Variants in SASS6 observed in about 807,000 individuals in gnomAD.
SASS6 encodes SAS-6 centriolar assembly protein.
SASS6 carries 59 observed loss-of-function variants against 94.9 expected under a neutral mutation model. The ratio of observed to expected loss-of-function variants is 0.62; its 90% CI spans 0.50 to 0.77. The LOEUF is 0.77. SASS6 is among the 30% of genes least tolerant of loss of function. SASS6 has a pLI of 0.00. For missense variants in SASS6, 698 were observed against 734.1 expected, an observed-to-expected ratio of 0.95 and a Z score of 0.57; for synonymous variants, 264 against 270.0, an observed-to-expected ratio of 0.98 and a Z score of 0.22.
At position 100,125,882 on chromosome 1, in the gene SASS6, C is replaced by G; in HGVS notation, c.126G>C (p.Lys42Asn). ...LQSVSNPVHR[K>N]DLVIRLTDDT... ...TTTCAAAAAAGGACTAAATACCAAC[C>G]TTTCTGTGAACTGGATTAGAAACTG... Residue 42 changes from lysine (K) to asparagine (N), a missense_variant and splice_region_variant, in exon 2 of 17, where the codon AAG (lysine) becomes AAC (asparagine). Transcript: ENST00000287482. The G allele has an allele frequency of 6.7e-7, 1 of 1,499,534 alleles. No individual in the cohort carries two copies. Among genetic ancestry groups the G allele is most frequent in the Non-Finnish European group, 9.2e-7 (1 of 1,086,744 alleles). 92.9% of individuals were successfully genotyped at this position (1,499,534 alleles called of 1,614,324 possible).
At position 100,121,472 on chromosome 1, in the gene SASS6, G is replaced by T; in HGVS notation, c.389C>A (p.Pro130His). ...PAFLNVVETN[P>H]FKHLTHLSLK... ...TGAGAGGTGTGTAAGATGCTTAAAA[G>T]GATTTGTCTCTACCACATTTAAAAA... The change falls in exon 5 of 17, where the codon CCT becomes CAT. Residue 130 changes from proline (P) to histidine (H), a missense_variant. By Grantham distance (77) the Pro-to-His change is moderately conservative. Coordinates refer to ENST00000287482, the MANE Select transcript of SASS6 (RefSeq NM_194292.3). The T allele has an allele frequency of 6.3e-7, 1 of 1,597,898 alleles. No individual in the cohort carries two copies. The highest frequency in any genetic ancestry group is 1.1e-5 in the South Asian group (1 of 89,492).
At position 100,123,235 on chromosome 1, in the gene SASS6, C is replaced by A. The variant is rs369037313; in HGVS notation, c.181G>T (p.Val61Phe). ...DTDPFFLYNL[V>F]ISEEDFQSLK... ...CTTTGAAAATCTTCCTCAGATATAA[C>A]AAGGTTATATAAAAAAAATGGATCC... Residue 61 changes from valine to phenylalanine, a missense_variant, in exon 3 of 17, where the codon GTT becomes TTT. Coordinates refer to ENST00000287482, the MANE Select transcript of SASS6 (RefSeq NM_194292.3). 6.6e-7 allele frequency: 1 copy of A among 1,508,034 alleles called. No individual in the cohort carries two copies. Among genetic ancestry groups the A allele is most frequent in the African/African-American group, 1.4e-5 (1 of 71,706 alleles). The allele number at this position is 1,508,034 out of a possible 1,614,324, so 93.4% of individuals were successfully genotyped here.
intron 14 of SASS6, among the ~76,000 whole-genome samples, chr1:100,092,737 A>G (rs1252748718): frequency 2.0e-5 from 3 of 151,994 alleles, no homozygotes; most frequent in Non-Finnish European, 4.4e-5. Flanking sequence ...CACCATGCCC[A>G]GCTAATTTTT....
At chr1:100,110,908 C>T (rs72973330) in intron 7 of SASS6, among the ~76,000 whole-genome samples, 6,286 of 151,834 alleles carry the variant, frequency 0.041, 322 homozygotes, top group African/African-American at 0.12. Context: ...ATAATAAATA[C>T]TCGTATATAT....
chr1:100,116,025 C>T (rs190220785), intron 7 of SASS6, among the ~76,000 whole-genome samples: 1 of 152,130 alleles, frequency 6.6e-6, no homozygotes, highest in Non-Finnish European at 1.5e-5. Context: ...GTGGGAAACA[C>T]TTTCCAAATG....
rs1217478302 is a variant in SASS6, at chr1:100,121,456, T to C, written c.405A>G (p.Thr135=). The C allele has an allele frequency of 6.3e-7, 1 of 1,598,836 alleles. No individual in the cohort carries two copies. The part of the protein sequence containing the change: ...VVETNPFKHL[T]HLSLKLLPGN... The stretch of plus-strand genomic sequence containing the variant: ...CAGGTAAAAGTTTTAGTGAGAGGTG[T>C]GTAAGATGCTTAAAAGGATTTGTCT... Residue 135 remains threonine (T), a synonymous_variant, in exon 5 of 17, where the codon ACA becomes ACG. Transcript: ENST00000287482.
At chr1:100,087,310 C>T (rs1300116720) in intron 15 of SASS6, among the ~76,000 whole-genome samples, 1 of 152,134 alleles carries the variant, frequency 6.6e-6, no homozygotes, top group Non-Finnish European at 1.5e-5. Flanking sequence ...TTTAACACAT[C>T]ATGATCCAAT....
chr1:100,092,573 T>G (rs553403404), intron 14 of SASS6, among the ~76,000 whole-genome samples: 1 of 151,502 alleles, frequency 6.6e-6, no homozygotes, highest in African/African-American at 2.4e-5. Context: ...TTTTTTTGTG[T>G]TTTTTTGTTT....
chr1:100,100,163 G>A (rs1652372664), intron 14 of SASS6, among the ~76,000 whole-genome samples: 1 of 152,154 alleles, frequency 6.6e-6, no homozygotes. Flanking sequence ...CTACTCGGGA[G>A]GCTGAGGCAT....
At chr1:100,105,944 T>G in intron 12 of SASS6, 41 bp from the exon 13 acceptor site, 1 of 1,347,408 alleles carries the variant, frequency 7.4e-7, no homozygotes. Flanking sequence ...GAATATTGAC[T>G]GTTTATTTTT....
chr1:100,132,662 G>A (rs1655166979), intron 1 of SASS6, 88 bp downstream of exon 1: 4 of 1,108,246 alleles, frequency 3.6e-6, no homozygotes, highest in South Asian at 2.5e-5. Flanking sequence ...CTAGGTGCAA[G>A]GTGGATCCCA....
chr1:100,097,158 TAG>T (rs1405228827), intron 14 of SASS6, among the ~76,000 whole-genome samples: 6 of 152,134 alleles, frequency 3.9e-5, no homozygotes, highest in Non-Finnish European at 7.4e-5. Flanking sequence ...ATGCATGTAT[TAG>T]AATGGCTATA....
At chr1:100,102,181 A>C (rs56804891) in intron 14 of SASS6, among the ~76,000 whole-genome samples, 1 of 152,122 alleles carries the variant, frequency 6.6e-6, no homozygotes, top group Non-Finnish European at 1.5e-5. Flanking sequence ...AAATATATCA[A>C]GGGTTGGGGG....
At chr1:100,115,299 C>G (rs1335202012) in intron 7 of SASS6, among the ~76,000 whole-genome samples, 1 of 152,068 alleles carries the variant, frequency 6.6e-6, no homozygotes, top group East Asian at 1.9e-4. Flanking sequence ...AGTGGATGGT[C>G]TCATTTATGC....
rs773800119 is a variant in SASS6 at position 100,122,397 on chromosome 1, A to G, written c.294T>C (p.His98=). Residue 98 remains histidine (H), a synonymous_variant, in exon 4 of 17, where the codon CAT becomes CAC. Coordinates refer to ENST00000287482, the MANE Select transcript of SASS6 (RefSeq NM_194292.3). ...IDLLQQCTQE[H]AKEIPRFLLQ... is the part of the protein sequence containing the mutation. ...CAACTTACCTTGGAATTTCTTTGGCATGTTCTTGAGTACATTGCTGAAGGA... is the reference window on the plus strand; with the variant it reads ...CAACTTACCTTGGAATTTCTTTGGCGTGTTCTTGAGTACATTGCTGAAGGA... 1 of 1,505,750 alleles carries G rather than the reference A, an allele frequency of 6.6e-7. No individual in the cohort carries two copies. The highest frequency in any genetic ancestry group is 9.2e-7 in the Non-Finnish European group (1 of 1,088,098). 93.3% of individuals were successfully genotyped at this position (1,505,750 alleles called of 1,614,324 possible).
Position 100,121,540 on chromosome 1 carries a change from T to C in SASS6, c.321A>G (p.Leu107=), listed in dbSNP as rs1231153965. ...AAATAGCTGCTGGAGAAACTAACTG[T>C]AGCAAAAACCTTTGAAAAGAAAATG... The part of the protein sequence containing the change: ...EHAKEIPRFL[L]QLVSPAAILD... Residue 107 remains leucine (L), a synonymous_variant, in exon 5 of 17, where the codon CTA becomes CTG. Coordinates refer to ENST00000287482, the MANE Select transcript of SASS6 (RefSeq NM_194292.3). The C allele has an allele frequency of 1.3e-6, 2 of 1,574,086 alleles. No individual in the cohort carries two copies. Among genetic ancestry groups the C allele is most frequent in the Non-Finnish European group, 1.7e-6 (2 of 1,153,544 alleles).
chr1:100,084,205 T>C lies in SASS6; in HGVS notation c.*1123A>G, dbSNP rs934415821. On this transcript the variant is annotated 3_prime_UTR_variant, in exon 17 of 17. Coordinates refer to ENST00000287482, the MANE Select transcript of SASS6 (RefSeq NM_194292.3). ...CATGGGACTCAGTAATGTTATTACA[T>C]CAATATCTTGAAATGTTTCTTCATC... 1 of 151,906 alleles carries C rather than the reference T, an allele frequency of 6.6e-6. No homozygotes were observed. Among genetic ancestry groups the C allele is most frequent in the African/African-American group, 2.4e-5 (1 of 41,396 alleles). 9.4% of individuals were successfully genotyped at this position (151,906 alleles called of 1,614,324 possible). A position where few individuals can be genotyped will look rare whatever the true frequency, so the allele number is the denominator to read the frequency against.
At chr1:100,107,088 G>A (rs1652962957) in intron 11 of SASS6, 95 bp from the exon 12 acceptor site, 1 of 625,260 alleles carries the variant, frequency 1.6e-6, no homozygotes, top group African/African-American at 1.9e-5. Context: ...TTACATAAAT[G>A]GTTACTACTA....
At chr1:100,128,544 T>C (rs1222316079) in intron 1 of SASS6, among the ~76,000 whole-genome samples, 2 of 152,204 alleles carry the variant, frequency 1.3e-5, no homozygotes, top group Non-Finnish European at 2.9e-5. Context: ...GCCTGTAAGT[T>C]AAACGAATTC....
Sources: gnomAD v4.1 joint callset for allele counts (sites outside exome capture counted in the v4.1 genomes callset) on GRCh38, gnomAD v4.1.1 for gene constraint, MANE v1.5 for transcripts, NCBI Gene and HGNC (gene_info 2026-07-23, HGNC 2026-07-21) for gene names.